ZNF157: variants seen among roughly 807,000 people sequenced by gnomAD.
ZNF157 encodes zinc finger protein 157.
ZNF157 carries 8 observed loss-of-function variants against 9.4 expected under a neutral mutation model. The observed-to-expected ratio is 0.85, with a 90% CI of 0.50 to 1.53. ZNF157 has a LOEUF of 1.53. Among genes scored for constraint, ZNF157 ranks in the 40% most tolerant of loss-of-function variants. The pLI, the probability that ZNF157 is intolerant of heterozygous loss-of-function variation, is 0.00. For missense variants in ZNF157, 316 were observed against 385.2 expected, an observed-to-expected ratio of 0.82 and a Z score of 1.50; for synonymous variants, 120 against 130.8, an observed-to-expected ratio of 0.92 and a Z score of 0.56.
intron 1 of ZNF157, among the ~76,000 whole-genome samples, chrX:47,407,855 T>G (rs2055951889): frequency 9.1e-6 from 1 of 110,418 alleles, no homozygotes; most frequent in African/African-American, 3.3e-5. Flanking sequence ...AATGGCACTG[T>G]TACTTGAAAG....
chrX:47,373,459 G>A (rs1174280728), intron 1 of ZNF157, among the ~76,000 whole-genome samples: 1 of 111,294 alleles, frequency 9.0e-6, no homozygotes, highest in East Asian at 2.8e-4. Context: ...TGGGCTGTTT[G>A]ATAACGCCAA....
chrX:47,371,939 A>T (rs938890452), intron 1 of ZNF157, among the ~76,000 whole-genome samples: 9 of 111,931 alleles, frequency 8.0e-5, no homozygotes, highest in African/African-American at 2.6e-4. Flanking sequence ...TTTCCATCGC[A>T]TGGATGTACC....
chrX:47,398,343 A>G (rs2055919953), intron 1 of ZNF157, among the ~76,000 whole-genome samples: 2 of 111,696 alleles, frequency 1.8e-5, no homozygotes, highest in Middle Eastern at 4.6e-3. Flanking sequence ...TGTGAATTCC[A>G]TGAGCATGGT....
chrX:47,393,641 GC>G (rs910212050), intron 1 of ZNF157, among the ~76,000 whole-genome samples: 1 of 109,915 alleles, frequency 9.1e-6, no homozygotes, highest in Non-Finnish European at 1.9e-5. Flanking sequence ...GTTCACTGCA[GC>G]CTTAACCTCC....
At chrX:47,400,278 G>A (rs1282060761) in intron 1 of ZNF157, among the ~76,000 whole-genome samples, 1 of 111,283 alleles carries the variant, frequency 9.0e-6, no homozygotes, top group South Asian at 3.8e-4. Flanking sequence ...TGGGATTACA[G>A]GCGTGAGCCA....
chrX:47,391,129 T>C (rs1427419597), intron 1 of ZNF157: 1 of 111,559 alleles, frequency 9.0e-6, no homozygotes, highest in Non-Finnish European at 1.9e-5. Context: ...GGCAATGACA[T>C]GCCCTGATCT....
At chrX:47,371,596 C>G (rs930188393) in intron 1 of ZNF157, among the ~76,000 whole-genome samples, 3 of 111,807 alleles carry the variant, frequency 2.7e-5, no homozygotes, top group Non-Finnish European at 5.6e-5. Flanking sequence ...CAATAGCTAA[C>G]AGTATATCAA....
At chrX:47,385,149 G>A (rs755586350) in intron 1 of ZNF157, among the ~76,000 whole-genome samples, 1 of 111,881 alleles carries the variant, frequency 8.9e-6, no homozygotes, top group Admixed American at 9.5e-5. Flanking sequence ...ATCCAATTTA[G>A]GATTATGTTT....
chrX:47,398,892 G>A (rs7054426), intron 1 of ZNF157, among the ~76,000 whole-genome samples: 9,266 of 111,366 alleles, frequency 0.083, 954 homozygotes, highest in African/African-American at 0.29. Flanking sequence ...GGCTGGTCTC[G>A]AACTCCTGAC....
chrX:47,413,774 T>C lies in ZNF157; in HGVS notation c.*180T>C. On this transcript the variant is annotated 3_prime_UTR_variant, in exon 4 of 4. Transcript: ENST00000377073. ...AGTGGTGTGTGAACATCTTATCTGT[T>C]GATTGGCTATTTGGGTTTTTTCTTC... 1.3e-6 allele frequency: 1 copy of C among 764,601 alleles called. No individual in the cohort carries two copies. Among genetic ancestry groups the C allele is most frequent in the South Asian group, 5.0e-5 (1 of 20,200 alleles). 63.0% of individuals were successfully genotyped at this position (764,601 alleles called of 1,213,427 possible). A position where few individuals can be genotyped will look rare whatever the true frequency, so the allele number is the denominator to read the frequency against.
intron 1 of ZNF157, among the ~76,000 whole-genome samples, chrX:47,391,965 C>T (rs1164161981): frequency 9.1e-6 from 1 of 109,874 alleles, no homozygotes; most frequent in African/African-American, 3.3e-5. Context: ...TCTCAGCTCA[C>T]CGCAAGCTCC....
intron 1 of ZNF157, among the ~76,000 whole-genome samples, chrX:47,375,397 C>G (rs374619099): frequency 2.7e-5 from 3 of 110,042 alleles, no homozygotes; most frequent in Non-Finnish European, 5.7e-5. Context: ...CCTCCTCAAC[C>G]CCCCCCACAA....
rs61498630 is a variant in ZNF157 at position 47,393,152 on chromosome X, C to CAAA, written c.73-17111_73-17109dup. 3.1e-4 allele frequency among the ~76,000 whole-genome samples: 30 copies of CAAA among 95,840 alleles called. 1 individual carries two copies. The highest frequency in any genetic ancestry group is 9.1e-4 in the African/African-American group (24 of 26,421). The allele number at this position is 95,840 out of a possible 115,157, so 83.2% of individuals were successfully genotyped here. A position where few individuals can be genotyped will look rare whatever the true frequency, so the allele number is the denominator to read the frequency against. The stretch of plus-strand genomic sequence containing the variant: ...CCTGGGGGATAGAGTGAGACTGTCT[C>CAAA]AAAAAAAAAAAAAAATCTCCTGTTG... On this transcript the variant is annotated intron_variant, in intron 1 of 3. Coordinates refer to ENST00000377073, the MANE Select transcript of ZNF157 (RefSeq NM_003446.4).
chrX:47,379,413 AT>A (rs780089057), intron 1 of ZNF157, among the ~76,000 whole-genome samples: 7,630 of 93,906 alleles, frequency 0.081, 844 homozygotes, highest in African/African-American at 0.28. Flanking sequence ...TTTTGAGTTA[AT>A]TTTTTTTTTT....
chrX:47,410,343 C>T lies in ZNF157; in HGVS notation c.140C>T (p.Ala47Val). 2.5e-6 allele frequency: 3 copies of T among 1,211,466 alleles called. No individual in the cohort carries two copies. Among genetic ancestry groups the T allele is most frequent in the African/African-American group, 1.7e-5 (1 of 57,785 alleles). ...TRQEWHRLDP[A>V]QRTMHKDVML... is the part of the protein sequence containing the mutation. The stretch of plus-strand genomic sequence containing the variant: ...CAGGAGTGGCACAGACTGGACCCTG[C>T]TCAGAGGACCATGCACAAGGATGTG... Residue 47 changes from alanine (A) to valine (V), a missense_variant, in exon 2 of 4, where the codon GCT (alanine) becomes GTT (valine). This residue lies in a region of ZNF157 where 146 missense variants were observed against 183.8 expected (regional missense o/e 0.79). Transcript: ENST00000377073.
intron 1 of ZNF157, among the ~76,000 whole-genome samples, chrX:47,400,710 C>T (rs1014793187): frequency 1.8e-5 from 2 of 111,747 alleles, no homozygotes; most frequent in Admixed American, 1.9e-4. Context: ...AGGTGGAGAG[C>T]AGTGGTGCTA....
At chrX:47,393,745 T>TCCCC (rs1569258580) in intron 1 of ZNF157, among the ~76,000 whole-genome samples, 46 of 48,896 alleles carry the variant, frequency 9.4e-4, no homozygotes, top group South Asian at 1.3e-3. Flanking sequence ...CCCCCGCCCT[T>TCCCC]TTTTTTTTTT....
chrX:47,399,256 T>C (rs2055923367), intron 1 of ZNF157, among the ~76,000 whole-genome samples: 1 of 111,751 alleles, frequency 8.9e-6, no homozygotes, highest in South Asian at 3.7e-4. Flanking sequence ...ACTCATGGGG[T>C]ATCTCAACCA....
chrX:47,390,639 AG>A lies in ZNF157; in HGVS notation c.73-19635del, dbSNP rs2055894368. Reference sequence around the variant, plus strand: ...AGAATCACTTGAATCTGGGAGGTGGAGGTTGCAGTGAGCCCAGATTGCGCCA... The same window carrying A: ...AGAATCACTTGAATCTGGGAGGTGGAGTTGCAGTGAGCCCAGATTGCGCCA... On this transcript the variant is annotated intron_variant, in intron 1 of 3. Transcript: ENST00000377073. Among the ~76,000 whole-genome samples the A allele has an allele frequency of 8.9e-5, 10 of 112,716 alleles. No homozygotes were observed. In the South Asian group the frequency reaches 2.9e-3, roughly 33 times the overall value.
Sources: gnomAD v4.1 joint callset for allele counts (sites outside exome capture counted in the v4.1 genomes callset) on GRCh38, gnomAD v4.1.1 for gene constraint, gnomAD v4.1.1 regional missense constraint, MANE v1.5 for transcripts, NCBI Gene and HGNC (gene_info 2026-07-23, HGNC 2026-07-21) for gene names.